The following CR2 variants were observed in gnomAD, a reference collection of about 807,000 sequenced individuals.
CR2 encodes complement C3d receptor 2, also known as complement receptor type 2.
In CR2, 96 loss-of-function variants were observed where a neutral mutation model predicts 123.0. That is an observed-to-expected ratio of 0.78 (90% CI 0.66 to 0.93). The LOEUF (loss-of-function observed/expected upper bound fraction) is 0.93. CR2 is among the 40% of genes least tolerant of loss of function. CR2 has a pLI of 0.00. For missense variants in CR2, 1,258 were observed against 1,361.0 expected, an observed-to-expected ratio of 0.92 and a Z score of 1.19; for synonymous variants, 484 against 469.5, an observed-to-expected ratio of 1.03 and a Z score of -0.40.
intron 1 of CR2, among the ~76,000 whole-genome samples, chr1:207,459,812 T>C (rs1558186702): frequency 6.6e-6 from 1 of 152,228 alleles, no homozygotes; most frequent in African/African-American, 2.4e-5. Flanking sequence ...CCTTTTCTGA[T>C]ATGATCTGCC....
chr1:207,487,980 TAAG>T lies in CR2; in HGVS notation c.*19-1156_*19-1154del, dbSNP rs1243189634. ...GCTCAGAAAGGAGGTATTAGAGAGT[TAAG>T]AAGAAAAAGGAAGGCATTAAATCAT... On this transcript the variant is annotated intron_variant, in intron 19 of 19. Coordinates refer to ENST00000367057, the MANE Select transcript of CR2 (RefSeq NM_001006658.3). Among the ~76,000 whole-genome samples the T allele has an allele frequency of 2.0e-5, 3 of 152,280 alleles. No homozygotes were observed. In the East Asian group the frequency reaches 5.8e-4, roughly 29 times the overall value.
At chr1:207,480,776 A>C (rs1181403695) in intron 18 of CR2, among the ~76,000 whole-genome samples, 1 of 152,146 alleles carries the variant, frequency 6.6e-6, no homozygotes. Context: ...TGCCTGTTCC[A>C]TTACAAACCA....
intron 1 of CR2, among the ~76,000 whole-genome samples, chr1:207,459,847 G>A (rs967367716): frequency 1.3e-5 from 2 of 152,086 alleles, no homozygotes; most frequent in African/African-American, 2.4e-5. Flanking sequence ...TCTGGCTTTC[G>A]TTACTAATGA....
At position 207,454,576 on chromosome 1, in the gene CR2, G is replaced by T. The variant is rs1657782484; in HGVS notation, c.58+100G>T. Reference sequence around the variant, plus strand: ...AGGGGGCCAAAAGCGAGACGGTGGGGGCAGTGCTCGACGCGTGTCCGCCTC... The same window carrying T: ...AGGGGGCCAAAAGCGAGACGGTGGGTGCAGTGCTCGACGCGTGTCCGCCTC... On this transcript the variant is annotated intron_variant, in intron 1 of 19. Coordinates refer to ENST00000367057, the MANE Select transcript of CR2 (RefSeq NM_001006658.3). This position sits in a 1 kb window ranked among gnomAD's most constrained non-coding sequence, Gnocchi z 4.3. 1.1e-6 allele frequency: 1 copy of T among 907,574 alleles called. No homozygotes were observed. Among genetic ancestry groups the T allele is most frequent in the Non-Finnish European group, 1.6e-6 (1 of 613,918 alleles). 56.2% of individuals were successfully genotyped at this position (907,574 alleles called of 1,614,324 possible). A position where few individuals can be genotyped will look rare whatever the true frequency, so the allele number is the denominator to read the frequency against.
At chr1:207,467,038 A>G (rs2102300973) in intron 2 of CR2, 126 bp downstream of exon 2, 1 of 1,200,380 alleles carries the variant, frequency 8.3e-7, no homozygotes, top group South Asian at 1.8e-5. Flanking sequence ...GAAGGAAACA[A>G]GGGAAAAGGT....
intron 9 of CR2, chr1:207,472,047 A>G: frequency 5.6e-6 from 1 of 178,458 alleles, no homozygotes; most frequent in Non-Finnish European, 1.2e-5. Flanking sequence ...CAGGAGATCA[A>G]GACCATCCTG....
chr1:207,462,138 T>C (rs1657981679), intron 1 of CR2, among the ~76,000 whole-genome samples: 1 of 152,118 alleles, frequency 6.6e-6, no homozygotes, highest in African/African-American at 2.4e-5. Flanking sequence ...GATACTAAGC[T>C]CTAGACCAGA....
intron 18 of CR2, among the ~76,000 whole-genome samples, chr1:207,484,299 C>T (rs774462142): frequency 6.6e-6 from 1 of 152,186 alleles, no homozygotes; most frequent in Non-Finnish European, 1.5e-5. Context: ...AGCAAACATA[C>T]CTGTTTAACC....
chr1:207,474,996 C>G lies in CR2; in HGVS notation c.2496C>G (p.Ser832Arg). 1 of 1,614,090 alleles carries G rather than the reference C, an allele frequency of 6.2e-7. No individual in the cohort carries two copies. The highest frequency in any genetic ancestry group is 8.5e-7 in the Non-Finnish European group (1 of 1,179,988). ...ATTCTAAAGGACATGGATCTTGGAG[C>G]GGGCCTTCCCCACAGTGCTTACGAT... is the stretch of plus-strand genomic sequence containing the variant. ...RSDSKGHGSW[S>R]GPSPQCLRSP... The change falls in exon 14 of 20, where the codon AGC (serine) becomes AGG (arginine). Residue 832 changes from serine (S) to arginine (R), a missense_variant. Coordinates refer to ENST00000367057, the MANE Select transcript of CR2 (RefSeq NM_001006658.3).
intron 16 of CR2, among the ~76,000 whole-genome samples, 189 bp from the exon 17 acceptor site, chr1:207,479,068 C>T (rs990943085): frequency 3.3e-5 from 5 of 152,102 alleles, no homozygotes; most frequent in Admixed American, 6.5e-5. Flanking sequence ...AAGTGATCTT[C>T]CCACCTTGGC....
chr1:207,466,565 G>A lies in CR2; in HGVS notation c.98G>A (p.Arg33Gln), dbSNP rs368072577. The part of the protein sequence containing the change: ...CGSPPPILNG[R>Q]ISYYSTPIAV... ...TCTCCTCCGCCTATCCTAAATGGCC[G>A]GATTAGTTATTATTCTACCCCCATT... Residue 33 changes from arginine (R) to glutamine (Q), a missense_variant, in exon 2 of 20, where the codon CGG becomes CAG. Arg to Gln is a conservative substitution (Grantham distance 43). Transcript: ENST00000367057. The A allele has an allele frequency of 2.0e-5, 32 of 1,613,708 alleles. No homozygotes were observed. Among genetic ancestry groups the A allele is most frequent in the East Asian group, 4.5e-5 (2 of 44,884 alleles).
intron 15 of CR2, 101 bp downstream of exon 15, chr1:207,476,520 T>A: frequency 9.7e-7 from 1 of 1,026,340 alleles, no homozygotes; most frequent in Non-Finnish European, 1.5e-6. Context: ...AGAAATGAAT[T>A]AACTGTCTGA....
At chr1:207,483,504 C>T (rs573948515) in intron 18 of CR2, among the ~76,000 whole-genome samples, 4 of 151,248 alleles carry the variant, frequency 2.6e-5, no homozygotes, top group South Asian at 4.2e-4. Flanking sequence ...TGAATGACTT[C>T]AGAAAAAAAG....
At position 207,475,037 on chromosome 1, in the gene CR2, G is replaced by A. The variant is rs376371407; in HGVS notation, c.2537G>A (p.Arg846His). 15 of 1,613,816 alleles carry A rather than the reference G, an allele frequency of 9.3e-6. No homozygotes were observed. Among genetic ancestry groups the A allele is most frequent in the South Asian group, 3.3e-5 (3 of 91,080 alleles). The change falls in exon 14 of 20, where the codon CGC becomes CAC. Residue 846 changes from arginine to histidine, a missense_variant. Arg to His is a conservative substitution (Grantham distance 29, BLOSUM62 0). Coordinates refer to ENST00000367057, the MANE Select transcript of CR2 (RefSeq NM_001006658.3). ...PQCLRSPPVT[R>H]CPNPEVKHGY... ...TGCTTACGATCTCCTCCTGTGACTC[G>A]CTGCCCTAATCCAGAAGTCAAACAT...
At chr1:207,463,063 C>T (rs531668728) in intron 1 of CR2, among the ~76,000 whole-genome samples, 2 of 152,226 alleles carry the variant, frequency 1.3e-5, no homozygotes, top group African/African-American at 4.8e-5. Context: ...ATATAAAACA[C>T]AAAAAGTCTC....
chr1:207,478,090 C>T lies in CR2; in HGVS notation c.3088+20C>T. On this transcript the variant is annotated intron_variant, in intron 16 of 19. Coordinates refer to ENST00000367057, the MANE Select transcript of CR2 (RefSeq NM_001006658.3). The stretch of plus-strand genomic sequence containing the variant: ...GATCCCGTAAGTACCAAGGGCTTCA[C>T]CGCCGCTTGTAACTGGCTAACGGAG... 1 of 1,610,766 alleles carries T rather than the reference C, an allele frequency of 6.2e-7. No homozygotes were observed. Among genetic ancestry groups the T allele is most frequent in the Non-Finnish European group, 8.5e-7 (1 of 1,178,312 alleles).
At chr1:207,486,230 CAAAAAAAAAAA>C (rs1173937738) in intron 19 of CR2, among the ~76,000 whole-genome samples, 2 of 43,004 alleles carry the variant, frequency 4.7e-5, no homozygotes, top group African/African-American at 1.7e-4. Flanking sequence ...GACTGCATCT[CAAAAAAAAAAA>C]AAAAAAAAAA....
In CR2 at chr1:207,479,878, A is replaced by G. The variant is rs948274927; in HGVS notation, c.3113-100A>G. ...CCAAGAAGAGTTAAGTATGAGTCAC[A>G]TAACATTTTCCCCACCACTAGCAAT... On this transcript the variant is annotated intron_variant, in intron 17 of 19. Transcript: ENST00000367057. The G allele has an allele frequency of 4.7e-6, 4 of 848,608 alleles. No homozygotes were observed. The African/African-American group carries it at 5.0e-5, about 11-fold the overall frequency. 52.6% of individuals were successfully genotyped at this position (848,608 alleles called of 1,614,324 possible). A position where few individuals can be genotyped will look rare whatever the true frequency, so the allele number is the denominator to read the frequency against.
intron 12 of CR2, among the ~76,000 whole-genome samples, 159 bp from the exon 13 acceptor site, chr1:207,474,082 C>CAAAAGTAGTTTTTTTACTTGGAGTAAAA (rs1658364712): frequency 6.6e-6 from 1 of 151,934 alleles, no homozygotes; most frequent in Admixed American, 6.6e-5. Context: ...TTGCTTAACT[C>CAAAAGTAGTTTTTTTACTTGGAGTAAAA]AAAAGTAGTT....
Sources: allele counts gnomAD v4.1 joint callset (sites outside exome capture counted in the v4.1 genomes callset), GRCh38; gene constraint gnomAD v4.1.1; non-coding constraint Gnocchi (gnomAD v3.1); transcripts MANE v1.5; gene names NCBI Gene and HGNC (gene_info 2026-07-23, HGNC 2026-07-21).